ZMYND8: variants seen among roughly 807,000 people sequenced by gnomAD.
ZMYND8 encodes the protein zinc finger MYND-type containing 8, also known as MYND-type zinc finger-containing chromatin reader ZMYND8.
ZMYND8 carries 37 observed loss-of-function variants against 140.8 expected under a neutral mutation model. The ratio of observed to expected loss-of-function variants is 0.26; its 90% CI spans 0.20 to 0.35. The LOEUF (loss-of-function observed/expected upper bound fraction) is 0.35. ZMYND8 is among the 10% of genes least tolerant of loss of function. ZMYND8 has a pLI of 1.00. For synonymous variants in ZMYND8, 592 were observed against 597.1 expected (o/e 0.99, Z 0.12); for missense variants, 1,068 against 1,570.0 (o/e 0.68, Z 5.40).
At chr20:47,246,928 G>C (rs1422536191) in intron 13 of ZMYND8, among the ~76,000 whole-genome samples, 1 of 152,268 alleles carries the variant, frequency 6.6e-6, no homozygotes, top group East Asian at 1.9e-4. Flanking sequence ...CCTGCCCTAG[G>C]ACACAAGACA....
chr20:47,262,499 G>A, intron 11 of ZMYND8, 71 bp from the exon 12 acceptor site: 2 of 1,566,052 alleles, frequency 1.3e-6, no homozygotes, highest in Non-Finnish European at 1.7e-6. Flanking sequence ...TGTGGTGTAG[G>A]GAGAGAATGG....
At chr20:47,276,830 A>G in intron 10 of ZMYND8, 35 bp from the exon 11 acceptor site, 1 of 1,513,992 alleles carries the variant, frequency 6.6e-7, no homozygotes. Context: ...GTTTAAGTCA[A>G]CTTCAGTAAT....
intron 12 of ZMYND8, among the ~76,000 whole-genome samples, chr20:47,255,668 A>G (rs1247462566): frequency 7.4e-6 from 1 of 134,538 alleles, no homozygotes; most frequent in African/African-American, 2.8e-5. Context: ...CAGTATATGT[A>G]TATGGTGTAT....
intron 11 of ZMYND8, among the ~76,000 whole-genome samples, chr20:47,267,463 G>A (rs1204866330): frequency 7.3e-6 from 1 of 137,362 alleles, no homozygotes; most frequent in Non-Finnish European, 1.6e-5. Flanking sequence ...GAGTAAATAG[G>A]AAGAAAATGT....
At chr20:47,279,101 C>G (rs891907659) in intron 10 of ZMYND8, among the ~76,000 whole-genome samples, 1 of 152,120 alleles carries the variant, frequency 6.6e-6, no homozygotes, top group Non-Finnish European at 1.5e-5. Flanking sequence ...GTATCTAAGG[C>G]GCTCACTGTT....
chr20:47,356,630 A>G (rs778934780), intron 1 of ZMYND8, 27 bp downstream of exon 1: 20 of 1,613,998 alleles, frequency 1.2e-5, no homozygotes, highest in African/African-American at 2.7e-5. Flanking sequence ...GGAGGGGGAA[A>G]AAAGATGGTT....
chr20:47,325,981 T>TG (rs2148402992), intron 2 of ZMYND8, among the ~76,000 whole-genome samples: 1 of 152,104 alleles, frequency 6.6e-6, no homozygotes, highest in South Asian at 2.1e-4. Flanking sequence ...TTTTTTGAGA[T>TG]GGAGTATTGC....
At chr20:47,256,420 C>A (rs1361118134) in intron 12 of ZMYND8, among the ~76,000 whole-genome samples, 3 of 151,996 alleles carry the variant, frequency 2.0e-5, no homozygotes, top group East Asian at 3.9e-4. Context: ...GAGATTGAGA[C>A]CATCCTGGCT....
chr20:47,291,721 C>A, intron 6 of ZMYND8, 75 bp downstream of exon 6: 3 of 1,154,962 alleles, frequency 2.6e-6, no homozygotes, highest in South Asian at 3.5e-5. Flanking sequence ...TGTGATAGAG[C>A]ATAGGCAGTG....
Position 47,347,844 on chromosome 20 carries a change from AT to A in ZMYND8, c.85+11del. On this transcript the variant is annotated intron_variant, in intron 2 of 22. Coordinates refer to ENST00000471951, the MANE Select transcript of ZMYND8 (RefSeq NM_001281775.3). ...TTAGCTCTAGAATAGATAATACAAG[AT>A]TTTTACTCACCTTTGGAGCGAGTAG... 4 of 1,613,400 alleles carry A rather than the reference AT, an allele frequency of 2.5e-6. No individual in the cohort carries two copies. The South Asian group carries it at 4.4e-5, about 18-fold the overall frequency.
chr20:47,303,156 T>C (rs1297776351), intron 3 of ZMYND8, among the ~76,000 whole-genome samples: 3 of 151,914 alleles, frequency 2.0e-5, no homozygotes. Context: ...GAATTTATTG[T>C]AGGGGTATGG....
chr20:47,258,310 T>G (rs1002833178), intron 12 of ZMYND8, among the ~76,000 whole-genome samples: 1 of 152,260 alleles, frequency 6.6e-6, no homozygotes, highest in Non-Finnish European at 1.5e-5. Context: ...CCATGGTTGA[T>G]CCTTGGGTAG....
chr20:47,355,983 A>C (rs2083201760), intron 1 of ZMYND8, among the ~76,000 whole-genome samples: 1 of 152,068 alleles, frequency 6.6e-6, no homozygotes, highest in African/African-American at 2.4e-5. Context: ...ATGTAGTTTC[A>C]AGTGCAGAAG....
In ZMYND8 at chr20:47,219,055, A is replaced by ATTTTTTTTTTTTTTTTTTTTTTTTTT. The variant is rs3092175; in HGVS notation, c.3484+1202_3484+1203insAAAAAAAAAAAAAAAAAAAAAAAAAA. On this transcript the variant is annotated intron_variant, in intron 21 of 22. Coordinates refer to ENST00000471951, the MANE Select transcript of ZMYND8 (RefSeq NM_001281775.3). ...AACATGGCAAAACCCCGTTTCTACA[A>ATTTTTTTTTTTTTTTTTTTTTTTTTT]TTTTTTTTTTTTTTTTTTTTGAGAG... Among the ~76,000 whole-genome samples, 18 of 110,942 alleles carry ATTTTTTTTTTTTTTTTTTTTTTTTTT rather than the reference A, an allele frequency of 1.6e-4. 1 individual carries two copies. The highest frequency in any genetic ancestry group is 8.4e-4 in the East Asian group (3 of 3,590). 72.8% of individuals were successfully genotyped at this position (110,942 alleles called of 152,430 possible). A position where few individuals can be genotyped will look rare whatever the true frequency, so the allele number is the denominator to read the frequency against.
chr20:47,231,937 G>A lies in ZMYND8; in HGVS notation c.2857-2131C>T, dbSNP rs1269549344. Among the ~76,000 whole-genome samples the A allele has an allele frequency of 4.6e-5, 7 of 152,252 alleles. No individual in the cohort carries two copies. In the East Asian group the frequency reaches 1.2e-3, roughly 25 times the overall value. ...CAAATATAGCAAAGACTTCAACATC[G>A]GTAAAGAACACCACTTTGCCAAAAC... On this transcript the variant is annotated intron_variant, in intron 16 of 22. Coordinates refer to ENST00000471951, the MANE Select transcript of ZMYND8 (RefSeq NM_001281775.3).
At chr20:47,215,657 G>C (rs1424470135) in intron 21 of ZMYND8, among the ~76,000 whole-genome samples, 1 of 152,098 alleles carries the variant, frequency 6.6e-6, no homozygotes, top group Admixed American at 6.5e-5. Context: ...CTACAGGTGG[G>C]CCCTAGCTCT....
intron 4 of ZMYND8, among the ~76,000 whole-genome samples, chr20:47,297,808 AC>A (rs745637660): frequency 2.0e-5 from 3 of 152,190 alleles, no homozygotes; most frequent in Non-Finnish European, 2.9e-5. Flanking sequence ...TTCCAAAAAA[AC>A]ATCAGAGTTG....
intron 2 of ZMYND8, chr20:47,318,798 T>C (rs557412854): frequency 7.3e-5 from 39 of 531,818 alleles, no homozygotes; most frequent in Non-Finnish European, 1.1e-4. Context: ...GAACTTCTCA[T>C]CCAGAGCCGG....
chr20:47,257,857 GTTTTGT>G (rs917298999), intron 12 of ZMYND8, among the ~76,000 whole-genome samples: 7 of 152,016 alleles, frequency 4.6e-5, no homozygotes, highest in African/African-American at 7.3e-5. Context: ...GAGTTTTGGG[GTTTTGT>G]TTTTGTTTTT....
Sources: allele counts gnomAD v4.1 joint callset (sites outside exome capture counted in the v4.1 genomes callset), GRCh38; gene constraint gnomAD v4.1.1; transcripts MANE v1.5; gene names NCBI Gene and HGNC (gene_info 2026-07-23, HGNC 2026-07-21).